Variants in ERICH3 observed in about 807,000 individuals in gnomAD.
ERICH3 encodes glutamate rich 3, also known as glutamate-rich protein 3.
Under a neutral mutation model 131.1 loss-of-function variants are expected in ERICH3, and 126 were observed. The ratio of observed to expected loss-of-function variants is 0.96; its 90% CI spans 0.83 to 1.11. ERICH3 has a LOEUF of 1.11. ERICH3 is among the 50% of genes most tolerant of loss of function. The pLI is 0.00. For missense variants in ERICH3, 2,050 were observed against 1,810.7 expected (o/e 1.13, Z -2.40); for synonymous variants, 695 against 644.6 (o/e 1.08, Z -1.18).
At position 74,665,281 on chromosome 1, in the gene ERICH3, C is replaced by A. The variant is rs571014023; in HGVS notation, c.23+8216G>T. ...CCAGACCCTGCAAATGTCTCTTGGG[C>A]TCCCCAACCTCCAGAGCCGTGAGAA... On this transcript the variant is annotated intron_variant, in intron 1 of 14. Transcript: ENST00000326665. Among the ~76,000 whole-genome samples the A allele has an allele frequency of 2.6e-5, 4 of 151,838 alleles. No homozygotes were observed. In the South Asian group the frequency reaches 8.3e-4, roughly 32 times the overall value.
chr1:74,584,836 A>G (rs922930838), intron 12 of ERICH3, among the ~76,000 whole-genome samples: 5 of 152,190 alleles, frequency 3.3e-5, no homozygotes, highest in South Asian at 2.1e-4. Context: ...GAAGAGGTCT[A>G]TTAGAACAAC....
chr1:74,673,662 C>T lies in ERICH3; in HGVS notation c.-143G>A, dbSNP rs1646762888. The T allele has an allele frequency of 3.8e-6, 3 of 799,056 alleles. No homozygotes were observed. Among genetic ancestry groups the T allele is most frequent in the South Asian group, 3.5e-5 (1 of 28,902 alleles). The allele number at this position is 799,056 out of a possible 1,614,324, so 49.5% of individuals were successfully genotyped here. ...GTGCGCGGGCACCTGGGCTGGGCCG[C>T]CGCCGCCCCTGGGCGCCCGGGCTAC... On this transcript the variant is annotated 5_prime_UTR_variant, in exon 1 of 15. Coordinates refer to ENST00000326665, the MANE Select transcript of ERICH3 (RefSeq NM_001002912.5).
intron 12 of ERICH3, among the ~76,000 whole-genome samples, chr1:74,586,745 T>C (rs570198787): frequency 6.6e-6 from 1 of 152,196 alleles, no homozygotes; most frequent in South Asian, 2.1e-4. Flanking sequence ...CAGAATGGCA[T>C]AACACACAGA....
chr1:74,634,975 G>T, intron 6 of ERICH3: 1 of 330,574 alleles, frequency 3.0e-6, no homozygotes, highest in Non-Finnish European at 5.4e-6. Flanking sequence ...CCTACTAGGG[G>T]ATAATGCACT....
Position 74,571,319 on chromosome 1 carries a change from C to A in ERICH3, c.4391G>T (p.Gly1464Val). The change falls in exon 14 of 15, where the codon GGG becomes GTG. Residue 1464 changes from glycine to valine, a missense_variant. Gly to Val is a moderately radical substitution (Grantham distance 109). Coordinates refer to ENST00000326665, the MANE Select transcript of ERICH3 (RefSeq NM_001002912.5). Reference sequence around the variant, plus strand: ...TTCAGCTGCTCCTGTCTCCTGCCTCCCATCGCCACTCCCAGTGGCTGCCTC... The same window carrying A: ...TTCAGCTGCTCCTGTCTCCTGCCTCACATCGCCACTCCCAGTGGCTGCCTC... The part of the protein sequence containing the change: ...GQEAATGSGD[G>V]RQETGAAEKF... 10 of 1,614,048 alleles carry A rather than the reference C, an allele frequency of 6.2e-6. No individual in the cohort carries two copies. The highest frequency in any genetic ancestry group is 7.6e-6 in the Non-Finnish European group (9 of 1,180,012).
intron 8 of ERICH3, among the ~76,000 whole-genome samples, chr1:74,615,004 T>A (rs1000829355): frequency 3.3e-5 from 5 of 151,970 alleles, no homozygotes; most frequent in Non-Finnish European, 5.9e-5. Context: ...AGGAAGAGAG[T>A]GCACTTAAGG....
rs1486749708 is a variant in ERICH3, at chr1:74,568,482, T to C, written c.*1976A>G. The C allele has an allele frequency of 2.0e-5, 3 of 152,170 alleles. No individual in the cohort carries two copies. The highest frequency in any genetic ancestry group is 7.2e-5 in the African/African-American group (3 of 41,454). The allele number at this position is 152,170 out of a possible 1,614,324, so 9.4% of individuals were successfully genotyped here. On this transcript the variant is annotated 3_prime_UTR_variant, in exon 15 of 15. Coordinates refer to ENST00000326665, the MANE Select transcript of ERICH3 (RefSeq NM_001002912.5). ...AACAAATACTGTTAGAGCTCCACAG[T>C]AATACAGCTCAGTAATAAATGAACT...
chr1:74,640,042 T>A (rs1024488434), intron 5 of ERICH3, among the ~76,000 whole-genome samples: 1 of 152,050 alleles, frequency 6.6e-6, no homozygotes, highest in African/African-American at 2.4e-5. Context: ...GAGAGAAAGG[T>A]TTTTGAAGCT....
At chr1:74,576,595 C>T (rs1019566940) in intron 13 of ERICH3, among the ~76,000 whole-genome samples, 13 of 152,086 alleles carry the variant, frequency 8.5e-5, no homozygotes, top group African/African-American at 2.7e-4. Flanking sequence ...TGCCATGATC[C>T]ATAAAACTGT....
At chr1:74,633,299 T>C (rs1646358595) in intron 6 of ERICH3, among the ~76,000 whole-genome samples, 1 of 151,876 alleles carries the variant, frequency 6.6e-6, no homozygotes, top group Admixed American at 6.6e-5. Context: ...GAGTTTATAA[T>C]TGTTAGAATG....
intron 12 of ERICH3, among the ~76,000 whole-genome samples, chr1:74,587,895 T>C (rs1647408279): frequency 6.6e-6 from 1 of 152,226 alleles, no homozygotes; most frequent in South Asian, 2.1e-4. Flanking sequence ...AAAAATCCTT[T>C]TGAAGATGTT....
chr1:74,611,948 C>T (rs1415907273), intron 9 of ERICH3, among the ~76,000 whole-genome samples: 2 of 152,162 alleles, frequency 1.3e-5, no homozygotes, highest in African/African-American at 4.8e-5. Context: ...AGAATAAGTT[C>T]CACAGAGACA....
At chr1:74,584,837 T>C (rs539855471) in intron 12 of ERICH3, among the ~76,000 whole-genome samples, 121 of 151,996 alleles carry the variant, frequency 8.0e-4, no homozygotes, top group African/African-American at 2.8e-3. Context: ...AAGAGGTCTA[T>C]TAGAACAACC....
At position 74,572,927 on chromosome 1, in the gene ERICH3, G is replaced by A. The variant is rs754456981; in HGVS notation, c.2783C>T (p.Ser928Leu). 3.7e-6 allele frequency: 6 copies of A among 1,613,600 alleles called. No homozygotes were observed. Among genetic ancestry groups the A allele is most frequent in the African/African-American group, 1.3e-5 (1 of 74,798 alleles). The change falls in exon 14 of 15, where the codon TCG (serine) becomes TTG (leucine). Residue 928 changes from serine (S) to leucine (L), a missense_variant. Transcript: ENST00000326665. ...EVAALREAAT[S>L]EEGEAEGGVA... ...CCCACCCTCAGCCTCTCCCTCCTCCGATGTCGCTGCCTCTCTCAGGGCTGC... is the reference window on the plus strand; with the variant it reads ...CCCACCCTCAGCCTCTCCCTCCTCCAATGTCGCTGCCTCTCTCAGGGCTGC...
intron 4 of ERICH3, among the ~76,000 whole-genome samples, chr1:74,642,627 C>T (rs17095697): frequency 0.023 from 3,547 of 152,192 alleles, 71 homozygotes; most frequent in East Asian, 0.056. Context: ...CCAAGGGTCA[C>T]ATTCAAATGA....
At chr1:74,653,149 C>T (rs577606338) in intron 1 of ERICH3, among the ~76,000 whole-genome samples, 8 of 152,130 alleles carry the variant, frequency 5.3e-5, no homozygotes, top group Admixed American at 6.6e-5. Context: ...TCATAACAAT[C>T]CCTTCTCCTG....
intron 7 of ERICH3, among the ~76,000 whole-genome samples, chr1:74,627,233 T>C (rs1048180590): frequency 6.6e-6 from 1 of 151,916 alleles, no homozygotes; most frequent in African/African-American, 2.4e-5. Context: ...ACATCTTGAA[T>C]AGAAAAACAA....
chr1:74,646,434 T>TA (rs1450769435), intron 3 of ERICH3, among the ~76,000 whole-genome samples: 1 of 152,102 alleles, frequency 6.6e-6, no homozygotes, highest in Non-Finnish European at 1.5e-5. Flanking sequence ...AAGAAAAGCT[T>TA]ACGCTAGACT....
chr1:74,603,135 C>T (rs1314122660), intron 10 of ERICH3, among the ~76,000 whole-genome samples: 1 of 151,836 alleles, frequency 6.6e-6, no homozygotes, highest in Non-Finnish European at 1.5e-5. Context: ...TCCACAGGTA[C>T]CCCAACCCAT....
Sources: allele counts gnomAD v4.1 joint callset (sites outside exome capture counted in the v4.1 genomes callset), GRCh38; gene constraint gnomAD v4.1.1; transcripts MANE v1.5; gene names NCBI Gene and HGNC (gene_info 2026-07-23, HGNC 2026-07-21).